The following PRKCZ variants were observed in gnomAD, a reference collection of about 807,000 sequenced individuals.
PRKCZ encodes the protein protein kinase C zeta.
PRKCZ carries 33 observed loss-of-function variants against 79.5 expected under a neutral mutation model. The ratio of observed to expected loss-of-function variants is 0.41; its 90% CI spans 0.31 to 0.55. The LOEUF (loss-of-function observed/expected upper bound fraction) is 0.55. Ranked by LOEUF, PRKCZ falls within the 20% of genes least tolerant of loss-of-function variation. The pLI is 0.19. For missense variants in PRKCZ, 578 were observed against 813.5 expected (o/e 0.71, Z 3.52); for synonymous variants, 342 against 320.9 (o/e 1.07, Z -0.70).
chr1:2,152,510 C>T (rs748542705), intron 9 of PRKCZ, among the ~76,000 whole-genome samples: 20 of 152,212 alleles, frequency 1.3e-4, no homozygotes, highest in South Asian at 4.2e-4. Context: ...CCAGTCTGGG[C>T]GACCAAATGA....
chr1:2,053,374 A>C (rs1048689061), intron 1 of PRKCZ, among the ~76,000 whole-genome samples: 2 of 152,122 alleles, frequency 1.3e-5, no homozygotes, highest in Admixed American at 6.5e-5. Flanking sequence ...GCTGGGATGA[A>C]AGGCGTGAGT....
At chr1:2,157,041 C>T (rs939649589) in intron 10 of PRKCZ, among the ~76,000 whole-genome samples, 11 of 152,364 alleles carry the variant, frequency 7.2e-5, no homozygotes, top group African/African-American at 2.6e-4. Context: ...AGTGGCACAG[C>T]TTGAAGGCCT....
chr1:2,048,507 C>T (rs1253567691), upstream of PRKCZ, among the ~76,000 whole-genome samples: 1 of 152,140 alleles, frequency 6.6e-6, no homozygotes, highest in African/African-American at 2.4e-5. Context: ...AGGGAGTGGC[C>T]GTGCAAAGAC....
At chr1:2,085,200 G>T (rs536418320) in intron 4 of PRKCZ, among the ~76,000 whole-genome samples, 1 of 152,160 alleles carries the variant, frequency 6.6e-6, no homozygotes, top group Admixed American at 6.5e-5. Flanking sequence ...AGACAAAGAC[G>T]TAGACTGTAC....
Position 2,075,177 on chromosome 1 carries a change from G to GC in PRKCZ, c.334+15588dup, listed in dbSNP as rs1450862904. On this transcript the variant is annotated intron_variant, in intron 4 of 17. Transcript: ENST00000378567. This position sits in a 1 kb window ranked among gnomAD's most constrained non-coding sequence, Gnocchi z 4.8. ...GAGCTGGGGTGGTTTTCACACGTGC[G>GC]CCTGCCTGCGAGGAGAAACGTGCTG... 1 of 152,336 alleles carries GC rather than the reference G, an allele frequency of 6.6e-6. No homozygotes were observed. Among genetic ancestry groups the GC allele is most frequent in the Non-Finnish European group, 1.5e-5 (1 of 68,124 alleles). The allele number at this position is 152,336 out of a possible 1,614,324, so 9.4% of individuals were successfully genotyped here.
intron 4 of PRKCZ, among the ~76,000 whole-genome samples, chr1:2,109,019 C>T (rs1053204905): frequency 6.6e-6 from 1 of 152,174 alleles, no homozygotes; most frequent in Non-Finnish European, 1.5e-5. Context: ...CTCACGTCAC[C>T]GCCTCTGATA....
intron 4 of PRKCZ, among the ~76,000 whole-genome samples, chr1:2,122,694 G>C (rs1200382675): frequency 1.0e-4 from 1 of 9,704 alleles, no homozygotes; most frequent in Non-Finnish European, 1.5e-4. Flanking sequence ...TGGTGGTTAG[G>C]GTTGTGGTGG....
intron 4 of PRKCZ, among the ~76,000 whole-genome samples, chr1:2,109,668 C>T (rs1181778255): frequency 2.6e-5 from 4 of 152,192 alleles, no homozygotes; most frequent in African/African-American, 9.7e-5. Flanking sequence ...AGCTCACGCC[C>T]ACTGCAGTGT....
At chr1:2,158,801 A>T (rs1404702988) in intron 10 of PRKCZ, among the ~76,000 whole-genome samples, 1 of 152,188 alleles carries the variant, frequency 6.6e-6, no homozygotes, top group Non-Finnish European at 1.5e-5. Flanking sequence ...CAGATGCGTA[A>T]ACCTGAACTT....
intron 4 of PRKCZ, among the ~76,000 whole-genome samples, chr1:2,077,001 G>C (rs768491939): frequency 6.6e-6 from 1 of 152,190 alleles, no homozygotes; most frequent in African/African-American, 2.4e-5. Context: ...TGATTCCACC[G>C]TTGTGGGGCA....
intron 4 of PRKCZ, among the ~76,000 whole-genome samples, chr1:2,090,402 C>T (rs569317302): frequency 1.4e-4 from 21 of 152,264 alleles, no homozygotes; most frequent in African/African-American, 4.3e-4. Flanking sequence ...CCCTGCTGAC[C>T]GAGGGGCGTG....
intron 3 of PRKCZ, among the ~76,000 whole-genome samples, chr1:2,058,635 CTT>C (rs1182568619): frequency 1.3e-5 from 2 of 152,144 alleles, no homozygotes; most frequent in African/African-American, 4.8e-5. Context: ...GTGGCACACA[CTT>C]GTAATCCCAG....
intron 10 of PRKCZ, among the ~76,000 whole-genome samples, chr1:2,163,734 C>CAAA (rs35766783): frequency 7.2e-6 from 1 of 139,740 alleles, no homozygotes; most frequent in African/African-American, 2.7e-5. Context: ...ACTAAAAATA[C>CAAA]AAAAAAAAAA....
chr1:2,077,408 G>A (rs575776258), intron 4 of PRKCZ, among the ~76,000 whole-genome samples: 1 of 152,200 alleles, frequency 6.6e-6, no homozygotes, highest in Non-Finnish European at 1.5e-5. Context: ...CAGCCGCATC[G>A]TGGGCCCAGA....
intron 16 of PRKCZ, 148 bp from the exon 17 acceptor site, chr1:2,184,435 G>GA (rs1291140632): frequency 1.6e-6 from 1 of 611,180 alleles, no homozygotes; most frequent in Non-Finnish European, 2.8e-6. Flanking sequence ...TGTGTTGTAA[G>GA]AAAAAACACT....
At chr1:2,106,113 C>T (rs1334117020) in intron 4 of PRKCZ, among the ~76,000 whole-genome samples, 2 of 152,160 alleles carry the variant, frequency 1.3e-5, no homozygotes, top group African/African-American at 2.4e-5. Flanking sequence ...GATGGGGTGT[C>T]CCCCCAGCCC....
intron 4 of PRKCZ, among the ~76,000 whole-genome samples, chr1:2,103,856 C>T (rs547101885): frequency 2.6e-5 from 4 of 152,260 alleles, no homozygotes; most frequent in Non-Finnish European, 4.4e-5. Flanking sequence ...GCACCTGAGG[C>T]GGCAGTGGGA....
rs888286327 is a variant in PRKCZ at position 2,153,103 on chromosome 1, A to G, written c.876+2125A>G. Among the ~76,000 whole-genome samples, 3 of 152,146 alleles carry G rather than the reference A, an allele frequency of 2.0e-5. No individual in the cohort carries two copies. In the East Asian group the frequency reaches 5.8e-4, roughly 29 times the overall value. ...CGCGCCGTTTCACCTCCCCGCCAAC[A>G]CCACACGGGCCTGTTTCTGCAGGTC... On this transcript the variant is annotated intron_variant, in intron 9 of 17. Coordinates refer to ENST00000378567, the MANE Select transcript of PRKCZ (RefSeq NM_002744.6).
intron 4 of PRKCZ, among the ~76,000 whole-genome samples, chr1:2,073,099 G>T (rs1237427330): frequency 5.3e-5 from 8 of 152,252 alleles, no homozygotes; most frequent in African/African-American, 1.9e-4. Flanking sequence ...TAGGAGCCCG[G>T]GCTGGCCACA....
Sources: allele counts gnomAD v4.1 joint callset (sites outside exome capture counted in the v4.1 genomes callset), GRCh38; gene constraint gnomAD v4.1.1; non-coding constraint Gnocchi (gnomAD v3.1); transcripts MANE v1.5; gene names NCBI Gene and HGNC (gene_info 2026-07-23, HGNC 2026-07-21).